Variants in PRICKLE2 observed in about 807,000 individuals in gnomAD.
PRICKLE2 encodes the protein prickle planar cell polarity protein 2, also known as prickle-like protein 2.
A neutral mutation model predicts 81.4 loss-of-function variants in PRICKLE2; 21 were observed. The ratio of observed to expected loss-of-function variants is 0.26; its 90% CI spans 0.18 to 0.37. The LOEUF (loss-of-function observed/expected upper bound fraction) is 0.37, where lower values mean the gene tolerates loss of function less well. PRICKLE2 is among the 10% of genes least tolerant of loss of function. The pLI is 1.00. For missense variants in PRICKLE2, 940 were observed against 1,109.0 expected, an observed-to-expected ratio of 0.85 and a Z score of 2.16; for synonymous variants, 456 against 421.5, an observed-to-expected ratio of 1.08 and a Z score of -1.00.
intron 2 of PRICKLE2, chr3:64,163,393 A>G (rs567383863): frequency 5.9e-6 from 3 of 512,430 alleles, no homozygotes; most frequent in Non-Finnish European, 1.1e-5. Flanking sequence ...CTAGAAACAG[A>G]GAATTCAGCA....
rs138057927 is a variant in PRICKLE2 at position 64,134,568 on chromosome 3, C to T, written c.1660+12262G>A. Among the ~76,000 whole-genome samples, 406 of 152,212 alleles carry T rather than the reference C, an allele frequency of 2.7e-3. 4 individuals are homozygous for T. The highest frequency in any genetic ancestry group is 9.3e-3 in the African/African-American group (385 of 41,524). The stretch of plus-strand genomic sequence containing the variant: ...GCACCCCTGATCTCTACCTACCAGA[C>T]GCCTGTAGTGTCCTGCACCCCCAGT... On this transcript the variant is annotated intron_variant, in intron 7 of 7. Coordinates refer to ENST00000638394, the MANE Select transcript of PRICKLE2 (RefSeq NM_198859.4).
intron 2 of PRICKLE2, among the ~76,000 whole-genome samples, chr3:64,197,987 G>A (rs1322108962): frequency 6.6e-6 from 1 of 152,044 alleles, no homozygotes; most frequent in Non-Finnish European, 1.5e-5. Flanking sequence ...CAACACGGAC[G>A]GATCACGAGG....
At chr3:64,157,454 G>A in intron 4 of PRICKLE2, 89 bp from the exon 5 acceptor site, 1 of 1,335,592 alleles carries the variant, frequency 7.5e-7, no homozygotes, top group Middle Eastern at 2.5e-4. Context: ...ACCATTAGCT[G>A]GCTACTGAGT....
chr3:64,165,580 T>A (rs1273358302), intron 2 of PRICKLE2, among the ~76,000 whole-genome samples: 3 of 152,096 alleles, frequency 2.0e-5, no homozygotes, highest in African/African-American at 7.2e-5. Context: ...AGTGGCGCGG[T>A]CATGGCTCAC....
At chr3:64,135,825 G>C (rs1027571077) in intron 7 of PRICKLE2, among the ~76,000 whole-genome samples, 1 of 152,096 alleles carries the variant, frequency 6.6e-6, no homozygotes, top group Non-Finnish European at 1.5e-5. Flanking sequence ...AACTATTCTA[G>C]GTTAAACAAT....
intron 2 of PRICKLE2, among the ~76,000 whole-genome samples, chr3:64,253,366 C>A (rs1421529502): frequency 3.9e-5 from 6 of 152,178 alleles, no homozygotes; most frequent in African/African-American, 1.4e-4. Context: ...TTCAAAAGTA[C>A]TAAATTATGG....
At chr3:64,164,489 T>G (rs1179364164) in intron 2 of PRICKLE2, among the ~76,000 whole-genome samples, 1 of 152,244 alleles carries the variant, frequency 6.6e-6, no homozygotes, top group Non-Finnish European at 1.5e-5. Flanking sequence ...CTCTGTCTAC[T>G]TTGATCTCCA....
chr3:64,128,334 C>G (rs1389784148), intron 7 of PRICKLE2, among the ~76,000 whole-genome samples: 1 of 152,202 alleles, frequency 6.6e-6, no homozygotes, highest in Non-Finnish European at 1.5e-5. Context: ...TAGCTGTTAA[C>G]AGGATGCAGT....
chr3:64,128,222 G>A (rs1002947868), intron 7 of PRICKLE2, among the ~76,000 whole-genome samples: 1 of 152,154 alleles, frequency 6.6e-6, no homozygotes, highest in Admixed American at 6.5e-5. Flanking sequence ...GGCACCCATC[G>A]CTTTCTCCAC....
intron 7 of PRICKLE2, among the ~76,000 whole-genome samples, chr3:64,131,570 T>C (rs2077196950): frequency 6.6e-6 from 1 of 152,216 alleles, no homozygotes; most frequent in Non-Finnish European, 1.5e-5. Context: ...ATCAGATTTG[T>C]ATATTAGTTA....
chr3:64,150,211 T>C (rs1375192437), intron 6 of PRICKLE2, among the ~76,000 whole-genome samples: 1 of 152,000 alleles, frequency 6.6e-6, no homozygotes, highest in Non-Finnish European at 1.5e-5. Flanking sequence ...AAATCCCAGC[T>C]CCATCCCACA....
chr3:64,115,451 G>C (rs1096262), intron 7 of PRICKLE2, among the ~76,000 whole-genome samples: 114,218 of 151,846 alleles, frequency 0.75, 43,822 homozygotes, highest in South Asian at 0.86. Context: ...GTCTTCAAGA[G>C]ACCCATCTCC....
At chr3:64,231,889 G>A (rs1028871050) in intron 2 of PRICKLE2, among the ~76,000 whole-genome samples, 2 of 152,152 alleles carry the variant, frequency 1.3e-5, no homozygotes, top group Non-Finnish European at 2.9e-5. Flanking sequence ...TGGGTCTGAC[G>A]ACAAAACCCA....
intron 4 of PRICKLE2, among the ~76,000 whole-genome samples, chr3:64,158,289 G>A (rs917962419): frequency 2.6e-5 from 4 of 152,222 alleles, no homozygotes; most frequent in Non-Finnish European, 5.9e-5. Context: ...GCGTTGAAAT[G>A]TATCTTAGAA....
intron 2 of PRICKLE2, among the ~76,000 whole-genome samples, chr3:64,172,240 C>T (rs933843727): frequency 6.6e-6 from 1 of 152,254 alleles, no homozygotes; most frequent in Non-Finnish European, 1.5e-5. Context: ...TAGACTCCCT[C>T]ATCCCAATTT....
rs554286608 is a variant in PRICKLE2, at chr3:64,217,928, C to T, written c.-41+6982G>A. Among the ~76,000 whole-genome samples the T allele has an allele frequency of 1.1e-4, 17 of 152,298 alleles. No homozygotes were observed. In the South Asian group the frequency reaches 1.7e-3, roughly 15 times the overall value. On this transcript the variant is annotated intron_variant, in intron 1 of 7. Coordinates refer to ENST00000638394, the MANE Select transcript of PRICKLE2 (RefSeq NM_198859.4). The stretch of plus-strand genomic sequence containing the variant: ...AGATAATGTTCACAATCAACCTCTT[C>T]GGGCTTCCTTACAAAATAGGATCAC...
chr3:64,195,315 T>C (rs1236859873), intron 2 of PRICKLE2, among the ~76,000 whole-genome samples: 1 of 152,248 alleles, frequency 6.6e-6, no homozygotes, highest in Non-Finnish European at 1.5e-5. Context: ...AAATTAAATG[T>C]CCGTATTCGA....
At chr3:64,199,149 C>CGCA in intron 1 of PRICKLE2, 182 bp from the exon 2 acceptor site, 1 of 644,118 alleles carries the variant, frequency 1.6e-6, no homozygotes. Context: ...GCGTGGTACA[C>CGCA]GCATGTGAAA....
intron 1 of PRICKLE2, among the ~76,000 whole-genome samples, chr3:64,205,560 C>G (rs1259731534): frequency 6.6e-6 from 1 of 152,036 alleles, no homozygotes; most frequent in Non-Finnish European, 1.5e-5. Context: ...CAACACCGAA[C>G]CCTGAACCAC....
Sources: gnomAD v4.1 joint callset for allele counts (sites outside exome capture counted in the v4.1 genomes callset) on GRCh38, gnomAD v4.1.1 for gene constraint, MANE v1.5 for transcripts, NCBI Gene and HGNC (gene_info 2026-07-23, HGNC 2026-07-21) for gene names.